The following MYO1D variants were observed in gnomAD, a reference collection of about 807,000 sequenced individuals.
The protein encoded by MYO1D is unconventional myosin-Id.
A neutral mutation model predicts 122.0 loss-of-function variants in MYO1D; 83 were observed. The ratio of observed to expected loss-of-function variants is 0.68; its 90% CI spans 0.57 to 0.82. The LOEUF (loss-of-function observed/expected upper bound fraction) is 0.82. Ranked by LOEUF, MYO1D falls within the 40% of genes least tolerant of loss-of-function variation. MYO1D has a pLI of 0.00. For missense variants in MYO1D, 1,157 were observed against 1,269.5 expected, an observed-to-expected ratio of 0.91 and a Z score of 1.35; for synonymous variants, 464 against 446.9, an observed-to-expected ratio of 1.04 and a Z score of -0.48.
At chr17:32,743,328 G>A (rs996193865) in intron 13 of MYO1D, among the ~76,000 whole-genome samples, 11 of 152,124 alleles carry the variant, frequency 7.2e-5, no homozygotes, top group African/African-American at 2.7e-4. Context: ...ATGCATAGTT[G>A]CAATTGCTGA....
intron 11 of MYO1D, among the ~76,000 whole-genome samples, chr17:32,750,615 CAATAAATAAATAAATA>C (rs375117230): frequency 6.6e-6 from 1 of 151,644 alleles, no homozygotes; most frequent in African/African-American, 2.4e-5. Flanking sequence ...GACTCTGTCT[CAATAAATAAATAAATA>C]AATAAATAAA....
chr17:32,677,032 G>C (rs1026192914), intron 16 of MYO1D, among the ~76,000 whole-genome samples: 16 of 152,008 alleles, frequency 1.1e-4, no homozygotes, highest in African/African-American at 3.9e-4. Flanking sequence ...GGATGGTCTT[G>C]ATCTCCTGAC....
rs749639444 is a variant in MYO1D at position 32,764,916 on chromosome 17, C to T, written c.997G>A (p.Glu333Lys). ...GRDIIDKQHT[E>K]QEASYGRDAF... Reference sequence around the variant, plus strand: ...TCTCTGCCGTAGCTGGCCTCTTGTTCTGTGTGCTGCTTGTCAATGATGTCA... The same window carrying T: ...TCTCTGCCGTAGCTGGCCTCTTGTTTTGTGTGCTGCTTGTCAATGATGTCA... Residue 333 changes from glutamate to lysine, a missense_variant, in exon 8 of 22, where the codon GAA becomes AAA. Coordinates refer to ENST00000318217, the MANE Select transcript of MYO1D (RefSeq NM_015194.3). 1.2e-6 allele frequency: 2 copies of T among 1,614,212 alleles called. No homozygotes were observed. The highest frequency in any genetic ancestry group is 8.5e-7 in the Non-Finnish European group (1 of 1,180,032).
intron 14 of MYO1D, among the ~76,000 whole-genome samples, chr17:32,722,374 T>C (rs1279124310): frequency 3.3e-5 from 5 of 152,238 alleles, no homozygotes; most frequent in Non-Finnish European, 5.9e-5. Flanking sequence ...AAAGTCAATG[T>C]GTCAGCAGGG....
chr17:32,691,782 T>A (rs1341037888), intron 16 of MYO1D, among the ~76,000 whole-genome samples: 2 of 152,328 alleles, frequency 1.3e-5, no homozygotes, highest in East Asian at 3.9e-4. Flanking sequence ...AGAGGTATAA[T>A]TGCTGGATTA....
intron 21 of MYO1D, among the ~76,000 whole-genome samples, chr17:32,545,880 G>A (rs1373456115): frequency 2.0e-5 from 3 of 151,498 alleles, no homozygotes; most frequent in African/African-American, 2.4e-5. Context: ...AAGAATTTAA[G>A]GTCTGTTTCT....
At chr17:32,536,899 G>GTGAA (rs1910680894) in intron 21 of MYO1D, among the ~76,000 whole-genome samples, 1 of 152,138 alleles carries the variant, frequency 6.6e-6, no homozygotes, top group South Asian at 2.1e-4. Flanking sequence ...AGAAATCCAA[G>GTGAA]AGTTCACACT....
rs139562673 is a variant in MYO1D at position 32,587,783 on chromosome 17, G to C, written c.2864+17304C>G. On this transcript the variant is annotated intron_variant, in intron 21 of 21. Coordinates refer to ENST00000318217, the MANE Select transcript of MYO1D (RefSeq NM_015194.3). ...GCTCTTCAGCCTCCCTTCCCTGTGGGATTGGCGGCCCAGATGCACTGGGCA... is the reference window on the plus strand; with the variant it reads ...GCTCTTCAGCCTCCCTTCCCTGTGGCATTGGCGGCCCAGATGCACTGGGCA... Among the ~76,000 whole-genome samples, 1,282 of 152,294 alleles carry C rather than the reference G, an allele frequency of 8.4e-3. 12 individuals carry two copies. The highest frequency in any genetic ancestry group is 0.015 in the Non-Finnish European group (1,000 of 68,034).
At chr17:32,864,803 G>A (rs754536453) in intron 1 of MYO1D, among the ~76,000 whole-genome samples, 44 of 152,112 alleles carry the variant, frequency 2.9e-4, no homozygotes, top group Non-Finnish European at 3.5e-4. Context: ...TGTTTATTCC[G>A]TGATAGAGGT....
intron 1 of MYO1D, among the ~76,000 whole-genome samples, chr17:32,798,489 A>G (rs1477983292): frequency 6.6e-6 from 1 of 152,184 alleles, no homozygotes; most frequent in African/African-American, 2.4e-5. Flanking sequence ...TCCACAGTTA[A>G]GGAGGCTCAA....
chr17:32,555,412 T>C (rs1170410250), intron 21 of MYO1D, among the ~76,000 whole-genome samples: 1 of 152,104 alleles, frequency 6.6e-6, no homozygotes, highest in Non-Finnish European at 1.5e-5. Context: ...AAAGAAGATA[T>C]AAAAATGTGA....
chr17:32,804,515 T>TA (rs1171177234), intron 1 of MYO1D, among the ~76,000 whole-genome samples: 3 of 152,222 alleles, frequency 2.0e-5, no homozygotes, highest in Non-Finnish European at 4.4e-5. Flanking sequence ...TTGACACCTC[T>TA]AGCCTGGAGT....
intron 15 of MYO1D, among the ~76,000 whole-genome samples, chr17:32,719,457 C>G (rs1207149499): frequency 6.6e-6 from 1 of 151,140 alleles, no homozygotes; most frequent in African/African-American, 2.4e-5. Context: ...TCAGGCCATT[C>G]TCCTGCCTCA....
At position 32,659,120 on chromosome 17, in the gene MYO1D, G is replaced by C; in HGVS notation, c.2340C>G (p.Phe780Leu). The change falls in exon 17 of 22, where the codon TTC (phenylalanine) becomes TTG (leucine). Residue 780 changes from phenylalanine to leucine, a missense_variant. Physicochemically the swap from Phe to Leu is conservative, Grantham distance 22. Transcript: ENST00000318217. ...ACACAGCAGCACGTTCTTACCTATTGAAAATCGTCTGCAGGGCCTCCTCAA... is the reference window on the plus strand; with the variant it reads ...ACACAGCAGCACGTTCTTACCTATTCAAAATCGTCTGCAGGGCCTCCTCAA... The part of the protein sequence containing the change: ...RRFEEALQTI[F>L]NRWRASQLIK... The C allele has an allele frequency of 6.2e-7, 1 of 1,613,938 alleles. No homozygotes were observed. Among genetic ancestry groups the C allele is most frequent in the Non-Finnish European group, 8.5e-7 (1 of 1,179,822 alleles).
At chr17:32,665,453 ATTCTAC>A (rs2150957428) in intron 16 of MYO1D, among the ~76,000 whole-genome samples, 1 of 152,282 alleles carries the variant, frequency 6.6e-6, no homozygotes, top group South Asian at 2.1e-4. Flanking sequence ...GAATGAATGT[ATTCTAC>A]TTCATCTTCC....
At chr17:32,713,687 G>T (rs1034915134) in intron 15 of MYO1D, among the ~76,000 whole-genome samples, 1 of 152,102 alleles carries the variant, frequency 6.6e-6, no homozygotes, top group African/African-American at 2.4e-5. Context: ...GAGTGCAGTG[G>T]TGCGATCTCA....
At chr17:32,830,862 A>C (rs1489917475) in intron 1 of MYO1D, among the ~76,000 whole-genome samples, 3 of 152,192 alleles carry the variant, frequency 2.0e-5, no homozygotes, top group Non-Finnish European at 4.4e-5. Context: ...GATGGAGACC[A>C]ACCTGTGTAA....
At chr17:32,511,688 C>T (rs1909701675) in intron 21 of MYO1D, among the ~76,000 whole-genome samples, 1 of 151,650 alleles carries the variant, frequency 6.6e-6, no homozygotes, top group Non-Finnish European at 1.5e-5. Context: ...ACAGCATTTC[C>T]AAAGTTAGCA....
At position 32,559,060 on chromosome 17, in the gene MYO1D, T is replaced by G. The variant is rs116629839; in HGVS notation, c.2864+46027A>C. On this transcript the variant is annotated intron_variant, in intron 21 of 21. Coordinates refer to ENST00000318217, the MANE Select transcript of MYO1D (RefSeq NM_015194.3). ...AACTATTTTTATTATCTGCATGTGTTTAATAAGTATCTCAGAACGTGTGCT... is the reference window on the plus strand; with the variant it reads ...AACTATTTTTATTATCTGCATGTGTGTAATAAGTATCTCAGAACGTGTGCT... 8.7e-3 allele frequency among the ~76,000 whole-genome samples: 1,323 copies of G among 152,362 alleles called. 20 individuals are homozygous for G. The highest frequency in any genetic ancestry group is 0.03 in the African/African-American group (1,260 of 41,588).
Sources: gnomAD v4.1 joint callset for allele counts (sites outside exome capture counted in the v4.1 genomes callset) on GRCh38, gnomAD v4.1.1 for gene constraint, MANE v1.5 for transcripts, NCBI Gene and HGNC (gene_info 2026-07-23, HGNC 2026-07-21) for gene names.